The following ACADL variants were observed in gnomAD, a reference collection of about 807,000 sequenced individuals.
ACADL encodes the protein acyl-CoA dehydrogenase long chain.
A neutral mutation model predicts 56.9 loss-of-function variants in ACADL; 60 were observed. The observed-to-expected ratio is 1.05, with a 90% CI of 0.86 to 1.31. The LOEUF (loss-of-function observed/expected upper bound fraction) is 1.31, where lower values mean the gene tolerates loss of function less well. Ranked by LOEUF, ACADL falls within the 50% of genes most tolerant of loss-of-function variation. ACADL has a pLI of 0.00. For missense variants in ACADL, 484 were observed against 525.5 expected, an observed-to-expected ratio of 0.92 and a Z score of 0.77; for synonymous variants, 158 against 179.7, an observed-to-expected ratio of 0.88 and a Z score of 0.97.
intron 10 of ACADL, among the ~76,000 whole-genome samples, chr2:210,191,503 C>A (rs1281457478): frequency 1.3e-5 from 2 of 152,072 alleles, no homozygotes; most frequent in Admixed American, 1.3e-4. Flanking sequence ...CCTAATAGGC[C>A]TTTCTTAAAT....
At chr2:210,203,479 T>A in intron 7 of ACADL, 35 bp from the exon 8 acceptor site, 2 of 1,324,672 alleles carry the variant, frequency 1.5e-6, no homozygotes, top group Non-Finnish European at 2.2e-6. Flanking sequence ...AACATTACTC[T>A]AATTATGCAA....
At chr2:210,194,148 TTC>T (rs926335170) in intron 9 of ACADL, among the ~76,000 whole-genome samples, 9 of 152,152 alleles carry the variant, frequency 5.9e-5, no homozygotes, top group Admixed American at 6.5e-5. Context: ...CTATCCAAAC[TTC>T]TCTTTTTCCA....
chr2:210,192,851 TAC>T lies in ACADL; in HGVS notation c.1150_1151del (p.Val384ThrfsTer32), dbSNP rs769128905. On this transcript the variant is annotated frameshift_variant, in exon 10 of 11. Transcript: ENST00000233710. LOFTEE classifies it high-confidence loss of function. ...TGTATCCCCAACCTCCATGGAGCTG[TAC>T]ACAGTCGTAAGCTACACTATTTTGT... Reference protein sequence around the residue: ...ELQNSVAYDCVQLHGGWGYMW... With the variant: ...ELQNSVAYDCXQLHGGWGYMW... The T allele has an allele frequency of 5.9e-5, 96 of 1,613,760 alleles. No homozygotes were observed. Among genetic ancestry groups the T allele is most frequent in the Non-Finnish European group, 7.6e-5 (90 of 1,179,882 alleles).
rs184472890 is a variant in ACADL at position 210,216,449 on chromosome 2, A to G, written c.434T>C (p.Ile145Thr). ...SIHSGIVMSY[I>T]TNHGSEEQIK... ...CTGTTCTTCTGAGCCATGGTTTGTA[A>G]TATAGGACATGACAATACCTGAATG... is the stretch of plus-strand genomic sequence containing the variant. The change falls in exon 4 of 11, where the codon ATT (isoleucine) becomes ACT (threonine). Residue 145 changes from isoleucine (I) to threonine (T), a missense_variant. By Grantham distance (89) the Ile-to-Thr change is moderately conservative (BLOSUM62 -1). Coordinates refer to ENST00000233710, the MANE Select transcript of ACADL (RefSeq NM_001608.4). 2 of 1,613,932 alleles carry G rather than the reference A, an allele frequency of 1.2e-6. No individual in the cohort carries two copies. Among genetic ancestry groups the G allele is most frequent in the Non-Finnish European group, 1.7e-6 (2 of 1,179,840 alleles).
Position 210,188,957 on chromosome 2 carries a change from A to T in ACADL, c.*4T>A. On this transcript the variant is annotated 3_prime_UTR_variant, in exon 11 of 11. Transcript: ENST00000233710. ...TAATAGGACTCCAGGATGTGGGCAG[A>T]TGTCTACTTGTCAAAGACAATCTCT... is the stretch of plus-strand genomic sequence containing the variant. 1 of 1,604,592 alleles carries T rather than the reference A, an allele frequency of 6.2e-7. No individual in the cohort carries two copies. The highest frequency in any genetic ancestry group is 1.7e-5 in the Admixed American group (1 of 60,006).
chr2:210,215,576 T>C (rs974586603), intron 4 of ACADL, among the ~76,000 whole-genome samples: 3 of 152,196 alleles, frequency 2.0e-5, no homozygotes, highest in African/African-American at 7.2e-5. Flanking sequence ...ATTTTTCCTC[T>C]TGAGGATCAG....
intron 4 of ACADL, among the ~76,000 whole-genome samples, chr2:210,215,326 T>C (rs1010132443): frequency 6.6e-6 from 1 of 152,002 alleles, no homozygotes; most frequent in Non-Finnish European, 1.5e-5. Flanking sequence ...CCCACTGAAA[T>C]CACAAAGGAT....
chr2:210,212,121 C>T (rs1002872745), intron 4 of ACADL, among the ~76,000 whole-genome samples: 7 of 149,392 alleles, frequency 4.7e-5, no homozygotes, highest in African/African-American at 1.7e-4. Flanking sequence ...GCGTGAGCCA[C>T]CGCACCTGGT....
chr2:210,220,009 A>C (rs1048061825), intron 2 of ACADL, among the ~76,000 whole-genome samples: 1 of 152,080 alleles, frequency 6.6e-6, no homozygotes, highest in African/African-American at 2.4e-5. Flanking sequence ...CATTTTACTA[A>C]TCTTCTAATT....
At chr2:210,222,422 C>T (rs1234856522) in intron 1 of ACADL, among the ~76,000 whole-genome samples, 3 of 148,582 alleles carry the variant, frequency 2.0e-5, no homozygotes, top group South Asian at 2.1e-4. Context: ...TTTGGGAGGC[C>T]GAGGCCTGAG....
chr2:210,207,359 C>T (rs1207324981), intron 5 of ACADL, among the ~76,000 whole-genome samples: 1 of 152,160 alleles, frequency 6.6e-6, no homozygotes, highest in Admixed American at 6.5e-5. Context: ...TAGCTTACCT[C>T]TCCTTACCTG....
chr2:210,218,190 G>A, intron 2 of ACADL, 88 bp from the exon 3 acceptor site: 1 of 1,241,888 alleles, frequency 8.1e-7, no homozygotes, highest in Non-Finnish European at 1.1e-6. Context: ...ATTTTGTGTA[G>A]AAATGCATTC....
intron 8 of ACADL, among the ~76,000 whole-genome samples, chr2:210,201,659 A>T (rs1191988341): frequency 1.3e-5 from 2 of 152,174 alleles, no homozygotes; most frequent in African/African-American, 4.8e-5. Context: ...CCTTTCAGCC[A>T]GTCATTCTAC....
intron 8 of ACADL, among the ~76,000 whole-genome samples, chr2:210,200,970 G>T (rs577601088): frequency 2.6e-4 from 39 of 152,278 alleles, no homozygotes; most frequent in African/African-American, 8.4e-4. Flanking sequence ...GGAGACAGCC[G>T]AGGGTCTCTG....
chr2:210,212,132 T>C (rs1688992660), intron 4 of ACADL, among the ~76,000 whole-genome samples: 1 of 140,458 alleles, frequency 7.1e-6, no homozygotes, highest in Non-Finnish European at 1.6e-5. Flanking sequence ...CGCACCTGGT[T>C]GCATTTTTTT....
At chr2:210,219,710 A>G (rs1424940213) in intron 2 of ACADL, among the ~76,000 whole-genome samples, 1 of 152,202 alleles carries the variant, frequency 6.6e-6, no homozygotes, top group Non-Finnish European at 1.5e-5. Context: ...TTTTTTACTT[A>G]TGATGGTGCA....
chr2:210,200,890 T>C (rs558777240), intron 8 of ACADL, among the ~76,000 whole-genome samples: 30 of 152,334 alleles, frequency 2.0e-4, no homozygotes, highest in African/African-American at 7.2e-4. Flanking sequence ...CTAATTTTAA[T>C]GTGGGCTTAC....
At position 210,225,387 on chromosome 2, in the gene ACADL, A is replaced by C; in HGVS notation, c.-124T>G. 1 of 1,124,776 alleles carries C rather than the reference A, an allele frequency of 8.9e-7. No individual in the cohort carries two copies. Among genetic ancestry groups the C allele is most frequent in the Non-Finnish European group, 1.2e-6 (1 of 813,538 alleles). The allele number at this position is 1,124,776 out of a possible 1,614,324, so 69.7% of individuals were successfully genotyped here. A position where few individuals can be genotyped will look rare whatever the true frequency, so the allele number is the denominator to read the frequency against. On this transcript the variant is annotated 5_prime_UTR_variant, in exon 1 of 11. Coordinates refer to ENST00000233710, the MANE Select transcript of ACADL (RefSeq NM_001608.4). ...TCCACCTGTGGTGTCCTCCCAAAAA[A>C]GCGCTCGCGCGCGCCCTTCCGGAGC...
intron 4 of ACADL, among the ~76,000 whole-genome samples, chr2:210,214,827 T>C (rs1689058625): frequency 6.6e-6 from 1 of 152,152 alleles, no homozygotes; most frequent in South Asian, 2.1e-4. Context: ...AGGAACAAGG[T>C]TAAATTTCTA....
Sources: allele counts gnomAD v4.1 joint callset (sites outside exome capture counted in the v4.1 genomes callset), GRCh38; gene constraint gnomAD v4.1.1; transcripts MANE v1.5; gene names NCBI Gene and HGNC (gene_info 2026-07-23, HGNC 2026-07-21).